MAP4K4: variants seen among roughly 807,000 people sequenced by gnomAD.
MAP4K4 encodes mitogen-activated protein kinase kinase kinase kinase 4.
MAP4K4 carries 38 observed loss-of-function variants against 189.6 expected under a neutral mutation model. The observed-to-expected ratio is 0.20, with a 90% CI of 0.15 to 0.26. The LOEUF is 0.26. Ranked by LOEUF, MAP4K4 falls within the 10% of genes least tolerant of loss-of-function variation. The pLI, the probability that MAP4K4 is intolerant of heterozygous loss-of-function variation, is 1.00. For missense variants in MAP4K4, 1,054 were observed against 1,726.9 expected (o/e 0.61, Z 6.91); for synonymous variants, 610 against 624.3 (o/e 0.98, Z 0.34).
At chr2:101,795,085 C>T (rs978243378) in intron 3 of MAP4K4, among the ~76,000 whole-genome samples, 10 of 152,198 alleles carry the variant, frequency 6.6e-5, no homozygotes, top group Admixed American at 6.5e-4. Flanking sequence ...AAGCCCACTT[C>T]ACTCATAGCC....
intron 3 of MAP4K4, among the ~76,000 whole-genome samples, chr2:101,802,768 A>T (rs2094491109): frequency 6.6e-6 from 1 of 151,620 alleles, no homozygotes; most frequent in Non-Finnish European, 1.5e-5. Flanking sequence ...TAACCTCCAT[A>T]CATAGTGACA....
intron 2 of MAP4K4, among the ~76,000 whole-genome samples, chr2:101,720,789 A>G (rs1285471867): frequency 9.2e-5 from 14 of 152,184 alleles, no homozygotes; most frequent in Admixed American, 9.2e-4. Context: ...TTGATGGGGA[A>G]TAATTACTAG....
At chr2:101,868,190 TTAACA>T (rs2097872650) in intron 21 of MAP4K4, among the ~76,000 whole-genome samples, 153 bp downstream of exon 21, 1 of 152,228 alleles carries the variant, frequency 6.6e-6, no homozygotes, top group Non-Finnish European at 1.5e-5. Flanking sequence ...TCCAGTTTTC[TTAACA>T]TAACATTTGC....
intron 29 of MAP4K4, among the ~76,000 whole-genome samples, chr2:101,886,444 C>T (rs566949217): frequency 3.0e-4 from 45 of 152,322 alleles, no homozygotes; most frequent in African/African-American, 1.1e-3. Context: ...TACAACTCCT[C>T]TCGCTCTACT....
At chr2:101,873,916 G>A (rs1017320318) in intron 25 of MAP4K4, among the ~76,000 whole-genome samples, 152 bp downstream of exon 25, 8 of 152,228 alleles carry the variant, frequency 5.3e-5, no homozygotes, top group Non-Finnish European at 1.0e-4. Flanking sequence ...TTTGCAATGA[G>A]ATGCAGAGTC....
chr2:101,869,794 C>T (rs1370847857), exon 22 of MAP4K4: 1 of 1,553,782 alleles, frequency 6.4e-7, no homozygotes, highest in South Asian at 1.2e-5. Flanking sequence ...GACACCAGAG[C>T]AGCGTCAGTC....
chr2:101,866,438 C>T (rs760592600), exon 19 of MAP4K4: 2 of 1,612,676 alleles, frequency 1.2e-6, no homozygotes, highest in Non-Finnish European at 1.7e-6. Context: ...CAGTATTGAG[C>T]CCAGGCTTCT....
intron 7 of MAP4K4, among the ~76,000 whole-genome samples, chr2:101,832,417 A>T (rs1435742068): frequency 6.6e-6 from 1 of 152,234 alleles, no homozygotes; most frequent in Non-Finnish European, 1.5e-5. Context: ...TAATTAGATG[A>T]GCCAGACTAG....
At chr2:101,812,488 A>G (rs560096701) in intron 3 of MAP4K4, among the ~76,000 whole-genome samples, 3 of 152,278 alleles carry the variant, frequency 2.0e-5, no homozygotes, top group South Asian at 2.1e-4. Context: ...TTGCAGATAG[A>G]TGGAGTAAAG....
intron 2 of MAP4K4, among the ~76,000 whole-genome samples, chr2:101,778,822 T>C (rs538451052): frequency 1.3e-5 from 2 of 152,272 alleles, no homozygotes; most frequent in South Asian, 4.1e-4. Flanking sequence ...CACAGACCTT[T>C]GATTTTAAAT....
intron 3 of MAP4K4, among the ~76,000 whole-genome samples, chr2:101,814,203 C>T (rs546481651): frequency 2.0e-5 from 3 of 152,114 alleles, no homozygotes; most frequent in African/African-American, 2.4e-5. Context: ...AGATGCAGTA[C>T]GACATAGCCA....
At chr2:101,848,752 A>G (rs936237666) in intron 12 of MAP4K4, among the ~76,000 whole-genome samples, 1 of 152,112 alleles carries the variant, frequency 6.6e-6, no homozygotes, top group Non-Finnish European at 1.5e-5. Context: ...GTGCTCTCTG[A>G]TAACTGCTGC....
At chr2:101,879,886 C>T (rs183947275) in intron 27 of MAP4K4, among the ~76,000 whole-genome samples, 13 of 141,210 alleles carry the variant, frequency 9.2e-5, no homozygotes, top group African/African-American at 3.2e-4. Flanking sequence ...CAGTATTTTG[C>T]AGTTTAGCCA....
At chr2:101,848,101 C>T (rs1427761137) in intron 12 of MAP4K4, among the ~76,000 whole-genome samples, 1 of 152,192 alleles carries the variant, frequency 6.6e-6, no homozygotes, top group African/African-American at 2.4e-5. Context: ...TGTGTGCACA[C>T]TATATGATGT....
Position 101,867,322 on chromosome 2 carries a change from C to T in MAP4K4, c.2454+13C>T, listed in dbSNP as rs1000099233. The stretch of plus-strand genomic sequence containing the variant: ...CCTCAAGCCTGCTGTAAGGATTGTG[C>T]AGGATCAGTTTTACTTATTTCAGAC... On this transcript the variant is annotated intron_variant, in intron 20 of 32. Transcript: ENST00000324219. 1.3e-6 allele frequency: 2 copies of T among 1,585,572 alleles called. No homozygotes were observed. Among genetic ancestry groups the T allele is most frequent in the Admixed American group, 3.5e-5 (2 of 57,172 alleles).
chr2:101,826,490 G>T (rs2096365792), intron 5 of MAP4K4, among the ~76,000 whole-genome samples: 1 of 152,118 alleles, frequency 6.6e-6, no homozygotes, highest in Non-Finnish European at 1.5e-5. Flanking sequence ...AAAATGTCAG[G>T]ATCTTTTATG....
At chr2:101,887,617 G>T (rs2098506705) in intron 30 of MAP4K4, among the ~76,000 whole-genome samples, 161 bp from the exon 31 acceptor site, 1 of 152,172 alleles carries the variant, frequency 6.6e-6, no homozygotes, top group African/African-American at 2.4e-5. Flanking sequence ...AGCAGAGTTG[G>T]GGATATATAT....
chr2:101,705,857 A>T (rs2042046452), intron 2 of MAP4K4, among the ~76,000 whole-genome samples: 1 of 152,086 alleles, frequency 6.6e-6, no homozygotes, highest in Non-Finnish European at 1.5e-5. Context: ...TGGTTCTCCC[A>T]CCCTTTGAAC....
At chr2:101,727,971 A>C (rs931336168) in intron 2 of MAP4K4, among the ~76,000 whole-genome samples, 3 of 152,214 alleles carry the variant, frequency 2.0e-5, no homozygotes, top group African/African-American at 7.2e-5. Context: ...TCCGTCTTGA[A>C]AGAAGGTGGC....
Sources: gnomAD v4.1 joint callset for allele counts (sites outside exome capture counted in the v4.1 genomes callset) on GRCh38, gnomAD v4.1.1 for gene constraint, MANE v1.5 for transcripts, NCBI Gene and HGNC (gene_info 2026-07-23, HGNC 2026-07-21) for gene names.